UHRF2: variants seen among roughly 807,000 people sequenced by gnomAD.
The protein encoded by UHRF2 is ubiquitin like with PHD and ring finger domains 2, also known as E3 ubiquitin-protein ligase UHRF2.
UHRF2 carries 23 observed loss-of-function variants against 96.8 expected under a neutral mutation model. The observed-to-expected ratio is 0.24, with a 90% CI of 0.17 to 0.34. The LOEUF (loss-of-function observed/expected upper bound fraction) is 0.34, where lower values mean the gene tolerates loss of function less well. Ranked by LOEUF, UHRF2 falls within the 10% of genes least tolerant of loss-of-function variation. The pLI is 1.00. For missense variants in UHRF2, 685 were observed against 981.5 expected, an observed-to-expected ratio of 0.70 and a Z score of 4.04; for synonymous variants, 385 against 332.6, an observed-to-expected ratio of 1.16 and a Z score of -1.72.
At chr9:6,496,602 C>T (rs1824986796) in intron 10 of UHRF2, 1 of 152,166 alleles carries the variant, frequency 6.6e-6, no homozygotes, top group Non-Finnish European at 1.5e-5. Flanking sequence ...TTAGCACAGG[C>T]ATTTGGATGC....
chr9:6,466,966 A>G (rs951396235), intron 4 of UHRF2, among the ~76,000 whole-genome samples: 1 of 152,188 alleles, frequency 6.6e-6, no homozygotes, highest in Non-Finnish European at 1.5e-5. Flanking sequence ...CCTTACTCTG[A>G]CTTTTTCTGA....
chr9:6,448,770 T>C (rs1197751689), intron 3 of UHRF2, among the ~76,000 whole-genome samples: 2 of 152,200 alleles, frequency 1.3e-5, no homozygotes, highest in Non-Finnish European at 2.9e-5. Context: ...GTTAAGAATG[T>C]GGTAGGTTGT....
At chr9:6,475,904 T>C (rs1308891345) in intron 5 of UHRF2, among the ~76,000 whole-genome samples, 1 of 152,182 alleles carries the variant, frequency 6.6e-6, no homozygotes, top group African/African-American at 2.4e-5. Flanking sequence ...AAATCTATTC[T>C]TTTAGCGATT....
At chr9:6,494,337 A>G (rs1824843336) in intron 10 of UHRF2, 1 of 171,304 alleles carries the variant, frequency 5.8e-6, no homozygotes, top group African/African-American at 2.4e-5. Flanking sequence ...TTATGTACAT[A>G]AATGAAACAT....
rs532846025 is a variant in UHRF2, at chr9:6,463,010, C to T, written c.863+2219C>T. Among the ~76,000 whole-genome samples the T allele has an allele frequency of 1.1e-4, 16 of 147,628 alleles. 1 individual carries two copies. The East Asian group carries it at 1.9e-3, about 17-fold the overall frequency. The stretch of plus-strand genomic sequence containing the variant: ...AACTGAGACTGAGTGGGCCAGGTGC[C>T]GTGGCTCACGCCTGTAATCCCAGCA... On this transcript the variant is annotated intron_variant, in intron 4 of 15. Coordinates refer to ENST00000276893, the MANE Select transcript of UHRF2 (RefSeq NM_152896.3).
At chr9:6,452,984 T>C (rs1821961540) in intron 3 of UHRF2, among the ~76,000 whole-genome samples, 1 of 152,178 alleles carries the variant, frequency 6.6e-6, no homozygotes, top group Non-Finnish European at 1.5e-5. Flanking sequence ...CTTTTCTGTT[T>C]TTTTGTTTTT....
intron 4 of UHRF2, among the ~76,000 whole-genome samples, chr9:6,470,310 T>G (rs974060448): frequency 2.7e-5 from 4 of 150,688 alleles, no homozygotes; most frequent in African/African-American, 9.8e-5. Flanking sequence ...GAGGTGGAGG[T>G]TGCAGTGAGC....
chr9:6,499,947 A>G lies in UHRF2; in HGVS notation c.2005+16A>G. On this transcript the variant is annotated intron_variant, in intron 13 of 15. Transcript: ENST00000276893. Reference sequence around the variant, plus strand: ...ATTTCAGATGGTAGGTAATGATTGCAAAATATAAATAATAATAACATACTT... The same window carrying G: ...ATTTCAGATGGTAGGTAATGATTGCGAAATATAAATAATAATAACATACTT... 6.4e-7 allele frequency: 1 copy of G among 1,558,216 alleles called. No individual in the cohort carries two copies.
Position 6,421,120 on chromosome 9 carries a change from A to G in UHRF2, c.362A>G (p.Asp121Gly). The G allele has an allele frequency of 6.2e-7, 1 of 1,613,870 alleles. No homozygotes were observed. ...ACATCAGCTCGTGCCCGTCTTATTG[A>G]TCCTGGCTTTGGAATATATAAGGTA... Reference protein sequence around the residue: ...PSTSARARLIDPGFGIYKVNE... With the variant: ...PSTSARARLIGPGFGIYKVNE... The change falls in exon 2 of 16, where the codon GAT becomes GGT. Residue 121 changes from aspartate to glycine, a missense_variant. This residue lies in a region of UHRF2 where 391 missense variants were observed against 437.0 expected (regional missense o/e 0.89). Transcript: ENST00000276893.
chr9:6,423,949 A>AAAAT (rs139097155), intron 2 of UHRF2, among the ~76,000 whole-genome samples: 25,667 of 151,480 alleles, frequency 0.17, 2,329 homozygotes, highest in East Asian at 0.26. Flanking sequence ...AGTATCAAAA[A>AAAAT]AAATAAATAA....
chr9:6,449,113 C>G (rs944892624), intron 3 of UHRF2, among the ~76,000 whole-genome samples: 6 of 152,092 alleles, frequency 3.9e-5, no homozygotes, highest in Non-Finnish European at 7.4e-5. Flanking sequence ...ATTTGTGGCC[C>G]TAGAAACTGG....
chr9:6,480,956 A>G (rs907791838), intron 6 of UHRF2, among the ~76,000 whole-genome samples: 7 of 152,218 alleles, frequency 4.6e-5, no homozygotes, highest in Non-Finnish European at 1.0e-4. Context: ...ATTTAAGATT[A>G]ATTGGGCAGT....
At chr9:6,488,345 C>G (rs376511846) in intron 9 of UHRF2, among the ~76,000 whole-genome samples, 1 of 138,272 alleles carries the variant, frequency 7.2e-6, no homozygotes, top group Non-Finnish European at 1.5e-5. Context: ...CCCAGTTTCT[C>G]CCAGTGGTGA....
Position 6,504,804 on chromosome 9 carries a change from C to T in UHRF2, c.2262+113C>T, listed in dbSNP as rs754398540. 3 of 711,438 alleles carry T rather than the reference C, an allele frequency of 4.2e-6. No individual in the cohort carries two copies. The East Asian group carries it at 9.2e-5, about 22-fold the overall frequency. The allele number at this position is 711,438 out of a possible 1,614,324, so 44.1% of individuals were successfully genotyped here. On this transcript the variant is annotated intron_variant, in intron 15 of 15. Transcript: ENST00000276893. ...TCCGTGAAGCGGGATAGTTGCGGAA[C>T]CTTCTAGTTAAGAAGCATTTAGTTA...
chr9:6,476,034 C>G (rs150737172), intron 5 of UHRF2, among the ~76,000 whole-genome samples: 2 of 152,236 alleles, frequency 1.3e-5, no homozygotes, highest in Non-Finnish European at 2.9e-5. Flanking sequence ...ATCCCCTGTC[C>G]CACTTCCCTT....
chr9:6,423,944 C>CA (rs555251387), intron 2 of UHRF2, among the ~76,000 whole-genome samples: 22 of 144,036 alleles, frequency 1.5e-4, no homozygotes, highest in South Asian at 4.5e-4. Context: ...GACTCAGTAT[C>CA]AAAAAAAATA....
At chr9:6,437,448 G>C (rs1023514542) in intron 3 of UHRF2, among the ~76,000 whole-genome samples, 1 of 152,074 alleles carries the variant, frequency 6.6e-6, no homozygotes, top group African/African-American at 2.4e-5. Context: ...GGTCAGGCTG[G>C]TCTTGAACTC....
rs542029724 is a variant in UHRF2 at position 6,500,677 on chromosome 9, G to A, written c.2131G>A (p.Asp711Asn). The A allele has an allele frequency of 5.0e-6, 8 of 1,613,422 alleles. No homozygotes were observed. In the Admixed American group the frequency reaches 5.0e-5, roughly 10 times the overall value. Reference sequence around the variant, plus strand: ...AGATTGTCAAAACCAGAAGCTGTGGGATGAAGTGCTTTCACATCTTGTGGA... The same window carrying A: ...AGATTGTCAAAACCAGAAGCTGTGGAATGAAGTGCTTTCACATCTTGTGGA... ...REDCQNQKLW[D>N]EVLSHLVEGP... is the part of the protein sequence containing the mutation. The change falls in exon 14 of 16, where the codon GAT becomes AAT. Residue 711 changes from aspartate (D) to asparagine (N), a missense_variant. Transcript: ENST00000276893.
intron 8 of UHRF2, among the ~76,000 whole-genome samples, chr9:6,485,772 T>G (rs1225535753): frequency 8.2e-6 from 1 of 122,604 alleles, no homozygotes; most frequent in Admixed American, 1.2e-4. Flanking sequence ...AAGACCAGCC[T>G]GGGCAACATG....
Sources: allele counts gnomAD v4.1 joint callset (sites outside exome capture counted in the v4.1 genomes callset), GRCh38; gene constraint gnomAD v4.1.1; regional missense constraint gnomAD v4.1.1; transcripts MANE v1.5; gene names NCBI Gene and HGNC (gene_info 2026-07-23, HGNC 2026-07-21).